GRID2IP: variants seen among roughly 807,000 people sequenced by gnomAD.
GRID2IP encodes the protein Grid2 interacting protein.
Under a neutral mutation model 114.3 loss-of-function variants are expected in GRID2IP, and 78 were observed. That is an observed-to-expected ratio of 0.68 (90% CI 0.57 to 0.82). The LOEUF (loss-of-function observed/expected upper bound fraction) is 0.82, where lower values mean the gene tolerates loss of function less well. Among genes scored for constraint, GRID2IP ranks in the 40% least tolerant of loss-of-function variants. The pLI is 0.00. For synonymous variants in GRID2IP, 809 were observed against 724.0 expected (o/e 1.12, Z -1.89); for missense variants, 1,727 against 1,678.5 (o/e 1.03, Z -0.51).
intron 7 of GRID2IP, among the ~76,000 whole-genome samples, chr7:6,518,063 TA>T (rs759501165): frequency 3.7e-3 from 494 of 133,894 alleles, no homozygotes; most frequent in Middle Eastern, 7.6e-3. Context: ...CTGTCTCTAC[TA>T]AAAAAAAAAA....
chr7:6,533,028 C>T (rs1779662051), intron 2 of GRID2IP, among the ~76,000 whole-genome samples: 1 of 152,216 alleles, frequency 6.6e-6, no homozygotes, highest in Non-Finnish European at 1.5e-5. Flanking sequence ...AAGTTTCCTC[C>T]AGAGCTGTAC....
At chr7:6,527,212 A>C (rs1779532538) in intron 2 of GRID2IP, among the ~76,000 whole-genome samples, 2 of 151,950 alleles carry the variant, frequency 1.3e-5, no homozygotes, top group Admixed American at 6.6e-5. Flanking sequence ...ACTGGAACCC[A>C]CGAGCCCCTC....
chr7:6,513,775 A>G (rs1779230097), intron 8 of GRID2IP, among the ~76,000 whole-genome samples: 1 of 152,100 alleles, frequency 6.6e-6, no homozygotes. Context: ...GAGGGGCCCA[A>G]ATCGGCTGTA....
chr7:6,544,880 G>A (rs1779864786), intron 1 of GRID2IP, among the ~76,000 whole-genome samples: 1 of 151,738 alleles, frequency 6.6e-6, no homozygotes, highest in African/African-American at 2.4e-5. Context: ...AGGAGATCGA[G>A]ACCATCCCAA....
At chr7:6,527,382 A>T (rs1779535800) in intron 2 of GRID2IP, among the ~76,000 whole-genome samples, 1 of 152,164 alleles carries the variant, frequency 6.6e-6, no homozygotes, top group Non-Finnish European at 1.5e-5. Flanking sequence ...CCTTAGCTAA[A>T]TGAGGCTCCG....
Position 6,520,116 on chromosome 7 carries a change from C to T in GRID2IP, c.1268+462G>A, listed in dbSNP as rs1779385526. 1.3e-5 allele frequency among the ~76,000 whole-genome samples: 2 copies of T among 152,082 alleles called. No individual in the cohort carries two copies. Among genetic ancestry groups the T allele is most frequent in the South Asian group, 4.1e-4 (2 of 4,834 alleles). On this transcript the variant is annotated intron_variant, in intron 7 of 21. Coordinates refer to ENST00000457091, the MANE Select transcript of GRID2IP (RefSeq NM_001145118.2). The surrounding 1 kb of genome is among the most constrained non-coding windows in gnomAD (Gnocchi z 4.6). ...TAGTGAAACCCTGTCTCTAGTAAAA[C>T]CCTGTCTCTAGTAAAAATACAAAAA...
At chr7:6,531,999 G>A (rs1245121955) in intron 2 of GRID2IP, among the ~76,000 whole-genome samples, 1 of 152,176 alleles carries the variant, frequency 6.6e-6, no homozygotes, top group Non-Finnish European at 1.5e-5. Flanking sequence ...GGGCCTCCCA[G>A]AGCTGCGCCT....
At chr7:6,514,903 G>C (rs1779263198) in intron 7 of GRID2IP, among the ~76,000 whole-genome samples, 1 of 149,490 alleles carries the variant, frequency 6.7e-6, no homozygotes. Flanking sequence ...AGTGAGCTGA[G>C]ATCGTGTCAC....
At chr7:6,546,032 G>A (rs765511025) in intron 1 of GRID2IP, among the ~76,000 whole-genome samples, 1 of 152,114 alleles carries the variant, frequency 6.6e-6, no homozygotes, top group Middle Eastern at 3.4e-3. Context: ...TTACCCAGAT[G>A]TTCTCAGCCT....
rs533811339 is a variant in GRID2IP, at chr7:6,508,934, C to T, written c.2127+24G>A. On this transcript the variant is annotated intron_variant, in intron 12 of 21. Coordinates refer to ENST00000457091, the MANE Select transcript of GRID2IP (RefSeq NM_001145118.2). This position sits in a 1 kb window ranked among gnomAD's most constrained non-coding sequence, Gnocchi z 5.6. ...GCCACACCTCGCCTCACCCGCCTCC[C>T]TCCACACCTGCTTGCGTGCCCACCT... 6.5e-7 allele frequency: 1 copy of T among 1,539,416 alleles called. No individual in the cohort carries two copies. Among genetic ancestry groups the T allele is most frequent in the African/African-American group, 1.4e-5 (1 of 73,072 alleles).
Position 6,520,757 on chromosome 7 carries a change from G to A in GRID2IP, c.1089C>T (p.Ser363=), listed in dbSNP as rs1191003652. ...EEGLVPFASD[S]DSLDSPNPSS... ...ACGGGTTGGGTGAGTCCAGAGAATC[G>A]GAGTCTGCTGGGACCACAGGCGGGA... Residue 363 remains serine, a synonymous_variant, in exon 7 of 22, where the codon TCC becomes TCT. Coordinates refer to ENST00000457091, the MANE Select transcript of GRID2IP (RefSeq NM_001145118.2). This position sits in a 1 kb window ranked among gnomAD's most constrained non-coding sequence, Gnocchi z 4.6. 33 of 1,549,738 alleles carry A rather than the reference G, an allele frequency of 2.1e-5. No individual in the cohort carries two copies. The highest frequency in any genetic ancestry group is 1.7e-4 in the Middle Eastern group (1 of 6,002).
rs75975276 is a variant in GRID2IP at position 6,509,930 on chromosome 7, G to C, written c.1771+353C>G. ...TGCAGCCTTGAACTCCTGGGCTCAAGTGATCCTCCCGCCTCAGCCTCTTGA... is the reference window on the plus strand; with the variant it reads ...TGCAGCCTTGAACTCCTGGGCTCAACTGATCCTCCCGCCTCAGCCTCTTGA... On this transcript the variant is annotated intron_variant, in intron 11 of 21. Coordinates refer to ENST00000457091, the MANE Select transcript of GRID2IP (RefSeq NM_001145118.2). This position sits in a 1 kb window ranked among gnomAD's most constrained non-coding sequence, Gnocchi z 4.9. Among the ~76,000 whole-genome samples, 8 of 152,126 alleles carry C rather than the reference G, an allele frequency of 5.3e-5. No individual in the cohort carries two copies. Among genetic ancestry groups the C allele is most frequent in the African/African-American group, 1.9e-4 (8 of 41,412 alleles).
At position 6,510,915 on chromosome 7, in the gene GRID2IP, G is replaced by A; in HGVS notation, c.1548C>T (p.Leu516=). 6.5e-7 allele frequency: 1 copy of A among 1,549,938 alleles called. No homozygotes were observed. The highest frequency in any genetic ancestry group is 1.2e-5 in the South Asian group (1 of 84,030). Residue 516 remains leucine, a synonymous_variant, in exon 9 of 22, where the codon CTC becomes CTT. Transcript: ENST00000457091. The stretch of plus-strand genomic sequence containing the variant: ...CCCTGACACCAGCCTTACCGCAGCT[G>A]AGGCCGGCCTCCAGGCCCTGGGACC... The part of the protein sequence containing the change: ...SLRSQGLEAG[L]SCGPSECPEM...
At position 6,509,018 on chromosome 7, in the gene GRID2IP, C is replaced by A. The variant is rs1196657030; in HGVS notation, c.2067G>T (p.Gln689His). The change falls in exon 12 of 22, where the codon CAG (glutamine) becomes CAT (histidine). Residue 689 changes from glutamine to histidine, a missense_variant. Physicochemically the swap from Gln to His is conservative, Grantham distance 24. Coordinates refer to ENST00000457091, the MANE Select transcript of GRID2IP (RefSeq NM_001145118.2). The surrounding 1 kb of genome is among the most constrained non-coding windows in gnomAD (Gnocchi z 4.9). Reference sequence around the variant, plus strand: ...CCACGATGGTGACCCGGGGGCCCAGCTGCTCGCTCAGCACGTCCAGGAAGC... The same window carrying A: ...CCACGATGGTGACCCGGGGGCCCAGATGCTCGCTCAGCACGTCCAGGAAGC... ...TDRFLDVLSEQLGPRVTIVDD... is the reference protein window; with the variant it reads ...TDRFLDVLSEHLGPRVTIVDD... The A allele has an allele frequency of 6.5e-7, 1 of 1,546,792 alleles. No individual in the cohort carries two copies. Among genetic ancestry groups the A allele is most frequent in the South Asian group, 1.2e-5 (1 of 83,930 alleles).
In GRID2IP at chr7:6,526,558, G is replaced by A; in HGVS notation, c.796C>T (p.Leu266=). ...CCGGGGCCGGCGAGGCCGCCCACCA[G>A]CAAGGAGGCCCTGCGCGGGGGCGGC... ...DEPPPRRASL[L]VGGLAGPGGA... is the part of the protein sequence containing the mutation. The change falls in exon 3 of 22, where the codon CTG becomes TTG. Residue 266 remains leucine (L), a synonymous_variant. Coordinates refer to ENST00000457091, the MANE Select transcript of GRID2IP (RefSeq NM_001145118.2). The surrounding 1 kb of genome is among the most constrained non-coding windows in gnomAD (Gnocchi z 7.6). 15 of 1,216,438 alleles carry A rather than the reference G, an allele frequency of 1.2e-5. No individual in the cohort carries two copies. Among genetic ancestry groups the A allele is most frequent in the Non-Finnish European group, 1.5e-5 (15 of 978,518 alleles). 75.4% of individuals were successfully genotyped at this position (1,216,438 alleles called of 1,614,324 possible).
intron 1 of GRID2IP, among the ~76,000 whole-genome samples, chr7:6,549,443 A>G (rs1779934409): frequency 6.6e-6 from 1 of 152,190 alleles, no homozygotes; most frequent in South Asian, 2.1e-4. Context: ...TTCCACCTGC[A>G]GTCTATCACA....
chr7:6,512,228 C>CTTATTTTTTTTTTTTTTT, intron 8 of GRID2IP, among the ~76,000 whole-genome samples: 1 of 63,930 alleles, frequency 1.6e-5, no homozygotes, highest in African/African-American at 6.0e-5. Flanking sequence ...TTTTTCTTTT[C>CTTATTTTTTTTTTTTTTT]TTCTTTTTTT....
intron 2 of GRID2IP, among the ~76,000 whole-genome samples, chr7:6,533,752 C>T (rs1288641060): frequency 1.3e-5 from 2 of 151,136 alleles, no homozygotes; most frequent in African/African-American, 4.9e-5. Flanking sequence ...CTCCAGTGAT[C>T]CTCCTACCTC....
chr7:6,519,920 C>T lies in GRID2IP; in HGVS notation c.1268+658G>A, dbSNP rs931320511. Among the ~76,000 whole-genome samples the T allele has an allele frequency of 6.6e-6, 1 of 152,162 alleles. No homozygotes were observed. Among genetic ancestry groups the T allele is most frequent in the Non-Finnish European group, 1.5e-5 (1 of 68,040 alleles). The stretch of plus-strand genomic sequence containing the variant: ...AAAAAGAAAGACACCAACCCTACCC[C>T]GAAGGGCCTAGCCCATGACAAGTGC... On this transcript the variant is annotated intron_variant, in intron 7 of 21. Coordinates refer to ENST00000457091, the MANE Select transcript of GRID2IP (RefSeq NM_001145118.2). This position sits in a 1 kb window ranked among gnomAD's most constrained non-coding sequence, Gnocchi z 4.1.
Sources: allele counts gnomAD v4.1 joint callset (sites outside exome capture counted in the v4.1 genomes callset), GRCh38; gene constraint gnomAD v4.1.1; non-coding constraint Gnocchi (gnomAD v3.1); transcripts MANE v1.5; gene names NCBI Gene and HGNC (gene_info 2026-07-23, HGNC 2026-07-21).